The following OR7C1 variants were observed in gnomAD, a reference collection of about 807,000 sequenced individuals.
OR7C1 encodes the protein olfactory receptor family 7 subfamily C member 1.
For missense variants in OR7C1, 324 were observed against 383.3 expected, an observed-to-expected ratio of 0.85 and a Z score of 1.29; for synonymous variants, 152 against 160.7, an observed-to-expected ratio of 0.95 and a Z score of 0.41.
intron 1 of OR7C1, among the ~76,000 whole-genome samples, chr19:14,823,590 G>A (rs964731797): frequency 2.0e-5 from 3 of 152,200 alleles, no homozygotes; most frequent in Non-Finnish European, 2.9e-5. Flanking sequence ...TACCCATTAA[G>A]TAATTTATCA....
At chr19:14,822,272 C>T (rs2044744264) in intron 1 of OR7C1, among the ~76,000 whole-genome samples, 1 of 151,544 alleles carries the variant, frequency 6.6e-6, no homozygotes, top group South Asian at 2.1e-4. Flanking sequence ...TTTTGGAGAA[C>T]CCCCAACTAT....
At chr19:14,818,979 A>T (rs2044729060) in intron 1 of OR7C1, among the ~76,000 whole-genome samples, 1 of 152,082 alleles carries the variant, frequency 6.6e-6, no homozygotes, top group Non-Finnish European at 1.5e-5. Context: ...ACATATGTAC[A>T]CATGTGCCAT....
At chr19:14,816,955 A>G (rs1478297242) in intron 1 of OR7C1, among the ~76,000 whole-genome samples, 1 of 152,188 alleles carries the variant, frequency 6.6e-6, no homozygotes, top group African/African-American at 2.4e-5. Context: ...GAGTCCACAG[A>G]GAAATCAGAC....
chr19:14,833,683 T>C (rs1462697204), intron 1 of OR7C1, among the ~76,000 whole-genome samples: 1 of 152,172 alleles, frequency 6.6e-6, no homozygotes, highest in Non-Finnish European at 1.5e-5. Flanking sequence ...AAAATAATTT[T>C]AAACGCTGGT....
chr19:14,819,308 C>T (rs568267681), intron 1 of OR7C1, among the ~76,000 whole-genome samples: 5 of 151,782 alleles, frequency 3.3e-5, no homozygotes, highest in Non-Finnish European at 5.9e-5. Context: ...TTTTTTAATG[C>T]TCTCCTTCCC....
At chr19:14,809,507 A>G (rs1177799414) in intron 2 of OR7C1, among the ~76,000 whole-genome samples, 2 of 151,984 alleles carry the variant, frequency 1.3e-5, no homozygotes, top group Admixed American at 1.3e-4. Context: ...AAGAAGAAAC[A>G]TAGATTGAAA....
chr19:14,822,626 C>T (rs1205378829), intron 1 of OR7C1, among the ~76,000 whole-genome samples: 1 of 152,056 alleles, frequency 6.6e-6, no homozygotes, highest in Non-Finnish European at 1.5e-5. Flanking sequence ...TCGTGATCCA[C>T]CCGCCTCAGC....
chr19:14,818,254 G>A (rs2044725645), intron 1 of OR7C1, among the ~76,000 whole-genome samples: 1 of 151,782 alleles, frequency 6.6e-6, no homozygotes, highest in Non-Finnish European at 1.5e-5. Flanking sequence ...CACTACGCCC[G>A]GCTAATTTTT....
At chr19:14,831,812 T>G (rs10426228) in intron 1 of OR7C1, among the ~76,000 whole-genome samples, 29,261 of 152,022 alleles carry the variant, frequency 0.19, 3,479 homozygotes, top group African/African-American at 0.33. Flanking sequence ...CCAATGAGCT[T>G]GTTTCTGGTC....
chr19:14,813,718 G>A (rs1035267934), intron 1 of OR7C1, among the ~76,000 whole-genome samples: 8 of 151,930 alleles, frequency 5.3e-5, no homozygotes, highest in East Asian at 1.9e-4. Flanking sequence ...GAGAGAGAAG[G>A]GGGGCGTGCC....
chr19:14,815,947 A>G (rs903344069), intron 1 of OR7C1, among the ~76,000 whole-genome samples: 5 of 152,074 alleles, frequency 3.3e-5, no homozygotes, highest in Non-Finnish European at 7.4e-5. Context: ...TCAACCTCCC[A>G]GGTAGCTGGG....
intron 2 of OR7C1, among the ~76,000 whole-genome samples, chr19:14,805,630 G>T (rs997734730): frequency 1.3e-5 from 2 of 151,598 alleles, no homozygotes; most frequent in Non-Finnish European, 2.9e-5. Context: ...GCCCAGGCTG[G>T]TCTCGAACTC....
At chr19:14,831,484 G>A (rs554541521) in intron 1 of OR7C1, among the ~76,000 whole-genome samples, 28 of 151,392 alleles carry the variant, frequency 1.8e-4, no homozygotes, top group African/African-American at 4.4e-4. Context: ...TCGCTCTGTC[G>A]CCCAGGTTGG....
intron 2 of OR7C1, among the ~76,000 whole-genome samples, chr19:14,805,502 G>A (rs2044662495): frequency 2.3e-5 from 3 of 130,352 alleles, no homozygotes; most frequent in Non-Finnish European, 3.1e-5. Context: ...TGCAACCTCC[G>A]CCTACTGGGT....
intron 1 of OR7C1, among the ~76,000 whole-genome samples, chr19:14,810,444 A>G (rs1426547275): frequency 4.6e-5 from 7 of 151,488 alleles, no homozygotes; most frequent in Non-Finnish European, 8.8e-5. Context: ...CAGTGGCGCA[A>G]TCTTGGCTCA....
intron 2 of OR7C1, among the ~76,000 whole-genome samples, chr19:14,805,406 ATTTTTTT>A (rs33957500): frequency 8.2e-5 from 8 of 98,058 alleles, no homozygotes; most frequent in Admixed American, 2.4e-4. Context: ...CAGGAAAATA[ATTTTTTT>A]TTTTTTTTTT....
chr19:14,803,855 G>A (rs529991728), intron 2 of OR7C1, among the ~76,000 whole-genome samples: 5 of 151,898 alleles, frequency 3.3e-5, no homozygotes, highest in South Asian at 2.1e-4. Flanking sequence ...GACTACAGGC[G>A]CGTGCCACAA....
At chr19:14,816,464 T>G (rs1306739009) in intron 1 of OR7C1, among the ~76,000 whole-genome samples, 1 of 152,212 alleles carries the variant, frequency 6.6e-6, no homozygotes, top group Non-Finnish European at 1.5e-5. Context: ...TGCTGAGTCT[T>G]CCAGCTTTCG....
At chr19:14,818,611 A>T (rs568587993) in intron 1 of OR7C1, among the ~76,000 whole-genome samples, 1 of 152,168 alleles carries the variant, frequency 6.6e-6, no homozygotes, top group Non-Finnish European at 1.5e-5. Flanking sequence ...GCGAGTTTGC[A>T]GTGTTTTCAT....
Sources: allele counts gnomAD v4.1 joint callset (sites outside exome capture counted in the v4.1 genomes callset), GRCh38; gene constraint gnomAD v4.1.1; transcripts MANE v1.5; gene names NCBI Gene and HGNC (gene_info 2026-07-23, HGNC 2026-07-21).